Variants in PLA2G4C observed in about 807,000 individuals in gnomAD.
The protein encoded by PLA2G4C is phospholipase A2 group IVC.
A neutral mutation model predicts 73.8 loss-of-function variants in PLA2G4C; 64 were observed. The observed-to-expected ratio is 0.87, with a 90% confidence interval of 0.71 to 1.07. The LOEUF (loss-of-function observed/expected upper bound fraction) is 1.07. Ranked by LOEUF, PLA2G4C falls within the 50% of genes least tolerant of loss-of-function variation. PLA2G4C has a pLI of 0.00. For missense variants in PLA2G4C, 622 were observed against 665.4 expected, an observed-to-expected ratio of 0.93 and a Z score of 0.72; for synonymous variants, 254 against 252.1, an observed-to-expected ratio of 1.01 and a Z score of -0.07.
intron 2 of PLA2G4C, among the ~76,000 whole-genome samples, chr19:48,105,937 CCCTCCCTCCCTTCTTT>C (rs1568457607): frequency 8.4e-5 from 1 of 11,956 alleles, no homozygotes; most frequent in Non-Finnish European, 1.3e-4. Context: ...CTCCCTCCCT[CCCTCCCTCCCTTCTTT>C]CTTTCTTTCT....
At chr19:48,079,090 A>G (rs1453443242) in intron 10 of PLA2G4C, among the ~76,000 whole-genome samples, 1 of 151,798 alleles carries the variant, frequency 6.6e-6, no homozygotes, top group Non-Finnish European at 1.5e-5. Flanking sequence ...CTGGTCTCAA[A>G]CTCCTGACCT....
At chr19:48,106,743 G>A (rs1358636844) in intron 1 of PLA2G4C, 182 bp from the exon 2 acceptor site, 18 of 564,016 alleles carry the variant, frequency 3.2e-5, no homozygotes, top group Admixed American at 2.8e-4. Context: ...GGGCGGCCAA[G>A]CGAGGAGAAT....
chr19:48,053,220 T>C (rs945329907), intron 15 of PLA2G4C, 73 bp from the exon 16 acceptor site: 12 of 1,243,854 alleles, frequency 9.6e-6, no homozygotes, highest in Non-Finnish European at 1.3e-5. Context: ...TTTTTGTCTA[T>C]TTACATCAGG....
rs557663496 is a variant in PLA2G4C at position 48,048,689 on chromosome 19, GAATTCAC to G, written c.1581-308_1581-302del. Among the ~76,000 whole-genome samples, 73 of 152,286 alleles carry G rather than the reference GAATTCAC, an allele frequency of 4.8e-4. 1 individual carries two copies. The South Asian group carries it at 0.015, about 31-fold the overall frequency. On this transcript the variant is annotated intron_variant, in intron 16 of 16. Coordinates refer to ENST00000599921, the MANE Select transcript of PLA2G4C (RefSeq NM_003706.3). ...ACATCGAATGTCATGATACCTGCCA[GAATTCAC>G]AAGATCTGATCTCTGTCCATCTCTC...
In PLA2G4C at chr19:48,110,553, G is replaced by T; in HGVS notation, c.-99C>A. 1 of 1,511,944 alleles carries T rather than the reference G, an allele frequency of 6.6e-7. No individual in the cohort carries two copies. The highest frequency in any genetic ancestry group is 8.8e-7 in the Non-Finnish European group (1 of 1,132,380). 93.7% of individuals were successfully genotyped at this position (1,511,944 alleles called of 1,614,324 possible). ...TTGTGCTCCGGAATCCGGTGCGGAG[G>T]CTTGGGCTCCCTGCGCTTAGCGGTG... On this transcript the variant is annotated 5_prime_UTR_variant, in exon 1 of 17. Coordinates refer to ENST00000599921, the MANE Select transcript of PLA2G4C (RefSeq NM_003706.3).
intron 13 of PLA2G4C, among the ~76,000 whole-genome samples, chr19:48,064,360 C>A (rs940395394): frequency 1.3e-5 from 2 of 148,640 alleles, no homozygotes; most frequent in African/African-American, 5.0e-5. Flanking sequence ...ACCCGGGAGG[C>A]GGAGGTTGCA....
chr19:48,062,005 G>T lies in PLA2G4C; in HGVS notation c.1250C>A (p.Pro417His). Reference protein sequence around the residue: ...ILSFDFSAGDPFETIRATTDY... With the variant: ...ILSFDFSAGDHFETIRATTDY... ...AAAGCCCTTCTCGATTACCTCGAAA[G>T]GATCTCCGGCACTGAAGTCGAAGGA... is the stretch of plus-strand genomic sequence containing the variant. Residue 417 changes from proline to histidine, a missense_variant, in exon 14 of 17, where the codon CCT becomes CAT. By Grantham distance (77) the Pro-to-His change is moderately conservative (BLOSUM62 -2). Coordinates refer to ENST00000599921, the MANE Select transcript of PLA2G4C (RefSeq NM_003706.3). 1 of 1,613,860 alleles carries T rather than the reference G, an allele frequency of 6.2e-7. No homozygotes were observed. The highest frequency in any genetic ancestry group is 8.5e-7 in the Non-Finnish European group (1 of 1,179,940).
At chr19:48,079,671 CAA>C (rs1875060689) in intron 10 of PLA2G4C, among the ~76,000 whole-genome samples, 1 of 152,134 alleles carries the variant, frequency 6.6e-6, no homozygotes. Context: ...GCAACAAAAA[CAA>C]AAATAAACAT....
At chr19:48,092,502 T>A (rs780153053) in intron 7 of PLA2G4C, among the ~76,000 whole-genome samples, 3 of 152,174 alleles carry the variant, frequency 2.0e-5, no homozygotes, top group Non-Finnish European at 4.4e-5. Context: ...GTGAAAGCAA[T>A]CCATGTGTCC....
At position 48,072,811 on chromosome 19, in the gene PLA2G4C, G is replaced by A. The variant is rs2029889981; in HGVS notation, c.1006+1956C>T. The stretch of plus-strand genomic sequence containing the variant: ...CACCTTGATTTCCTTTCCTTGGTGA[G>A]CTGCTGATGAGCTGGTCAGGAGGAC... On this transcript the variant is annotated intron_variant, in intron 12 of 16. Transcript: ENST00000599921. The surrounding 1 kb of genome is among the most constrained non-coding windows in gnomAD (Gnocchi z 4.4). 6.6e-6 allele frequency: 1 copy of A among 152,266 alleles called. No individual in the cohort carries two copies. The highest frequency in any genetic ancestry group is 2.4e-5 in the African/African-American group (1 of 41,450). 9.4% of individuals were successfully genotyped at this position (152,266 alleles called of 1,614,324 possible).
At chr19:48,091,757 G>A (rs1355433124) in intron 7 of PLA2G4C, among the ~76,000 whole-genome samples, 1 of 151,790 alleles carries the variant, frequency 6.6e-6, no homozygotes, top group African/African-American at 2.4e-5. Flanking sequence ...AGGCCTGGTG[G>A]TATGCACCTA....
intron 6 of PLA2G4C, chr19:48,097,911 G>C: frequency 2.3e-6 from 1 of 426,660 alleles, no homozygotes. Context: ...GAGCCACCAT[G>C]TTGGCCTCTT....
intron 9 of PLA2G4C, among the ~76,000 whole-genome samples, chr19:48,086,672 C>T (rs571722550): frequency 2.0e-5 from 3 of 152,288 alleles, no homozygotes; most frequent in African/African-American, 7.2e-5. Flanking sequence ...GCTGGTGCTC[C>T]ACCTGCTGGG....
At chr19:48,088,113 A>T (rs2031089842) in intron 9 of PLA2G4C, among the ~76,000 whole-genome samples, 1 of 152,116 alleles carries the variant, frequency 6.6e-6, no homozygotes, top group South Asian at 2.1e-4. Flanking sequence ...CCAGTCAATA[A>T]AATACTGGGG....
In PLA2G4C at chr19:48,099,742, C is replaced by T. The variant is rs574891473; in HGVS notation, c.376G>A (p.Ala126Thr). 6.2e-7 allele frequency: 1 copy of T among 1,614,070 alleles called. No individual in the cohort carries two copies. The highest frequency in any genetic ancestry group is 2.2e-5 in the East Asian group (1 of 44,880). Residue 126 changes from alanine (A) to threonine (T), a missense_variant, in exon 5 of 17, where the codon GCA (alanine) becomes ACA (threonine). Ala to Thr is a moderately conservative substitution (Grantham distance 58). Coordinates refer to ENST00000599921, the MANE Select transcript of PLA2G4C (RefSeq NM_003706.3). ...LAKSLQKTIQ[A>T]ARSENYSLTD... is the part of the protein sequence containing the mutation. ...AGAGAGTAATTCTCAGACCTCGCTG[C>T]TTGGATGGTTTTCTGTAGGCTCTTA...
chr19:48,076,455 C>G (rs2030163286), intron 11 of PLA2G4C, among the ~76,000 whole-genome samples: 1 of 152,082 alleles, frequency 6.6e-6, no homozygotes, highest in African/African-American at 2.4e-5. Context: ...GAGATGCAAG[C>G]AGCTTGGCCC....
intron 2 of PLA2G4C, among the ~76,000 whole-genome samples, chr19:48,105,907 C>CCT (rs1330264295): frequency 1.2e-3 from 6 of 4,926 alleles, no homozygotes; most frequent in African/African-American, 0.01. Context: ...CCCTCCCTCC[C>CCT]TCCCTCCCTC....
intron 6 of PLA2G4C, among the ~76,000 whole-genome samples, chr19:48,096,537 C>T (rs1040108147): frequency 6.6e-6 from 1 of 151,958 alleles, no homozygotes; most frequent in Non-Finnish European, 1.5e-5. Context: ...GAGCCGAGAT[C>T]GTGCCATTAC....
chr19:48,090,161 A>C, intron 8 of PLA2G4C: 1 of 556,250 alleles, frequency 1.8e-6, no homozygotes, highest in East Asian at 3.0e-5. Flanking sequence ...TACCAGAGCA[A>C]CATTCCTTCC....
Sources: allele counts gnomAD v4.1 joint callset (sites outside exome capture counted in the v4.1 genomes callset), GRCh38; gene constraint gnomAD v4.1.1; non-coding constraint Gnocchi (gnomAD v3.1); transcripts MANE v1.5; gene names NCBI Gene and HGNC (gene_info 2026-07-23, HGNC 2026-07-21).